Variants in NRP2 observed in about 807,000 individuals in gnomAD.
NRP2 encodes the protein neuropilin 2, also known as neuropilin-2.
Under a neutral mutation model 110.4 loss-of-function variants are expected in NRP2, and 52 were observed. That is an observed-to-expected ratio of 0.47 (90% CI 0.38 to 0.59). NRP2 has a LOEUF of 0.59. Among genes scored for constraint, NRP2 ranks in the 20% least tolerant of loss-of-function variants. The pLI is 0.00. For synonymous variants in NRP2, 508 were observed against 468.9 expected (o/e 1.08, Z -1.08); for missense variants, 1,049 against 1,203.0 (o/e 0.87, Z 1.89).
intron 2 of NRP2, among the ~76,000 whole-genome samples, chr2:205,703,478 G>A (rs1402006862): frequency 6.6e-6 from 1 of 152,184 alleles, no homozygotes; most frequent in Non-Finnish European, 1.5e-5. Flanking sequence ...CTGGCCCAAG[G>A]TTCTACTCCC....
At chr2:205,730,912 C>A (rs1009600548) in intron 7 of NRP2, among the ~76,000 whole-genome samples, 23 of 152,332 alleles carry the variant, frequency 1.5e-4, no homozygotes, top group African/African-American at 5.3e-4. Flanking sequence ...CTTTTCCAGC[C>A]TCCCCTAGCC....
chr2:205,780,932 A>G (rs2058167059), intron 15 of NRP2, among the ~76,000 whole-genome samples: 1 of 152,234 alleles, frequency 6.6e-6, no homozygotes, highest in South Asian at 2.1e-4. Flanking sequence ...TTGTTTCCCC[A>G]GTGACAAGCT....
At chr2:205,706,021 C>T (rs912075864) in intron 2 of NRP2, among the ~76,000 whole-genome samples, 1 of 151,922 alleles carries the variant, frequency 6.6e-6, no homozygotes, top group Admixed American at 6.6e-5. Context: ...CCTCTCAGTC[C>T]ATCGTCTCTC....
At chr2:205,750,071 C>G (rs774212848) in intron 11 of NRP2, among the ~76,000 whole-genome samples, 18 of 152,194 alleles carry the variant, frequency 1.2e-4, no homozygotes, top group Non-Finnish European at 2.4e-4. Flanking sequence ...TGTGAACCCA[C>G]TAGACATCAG....
Position 205,725,780 on chromosome 2 carries a change from G to A in NRP2, c.821-133G>A. 1.1e-6 allele frequency: 1 copy of A among 870,004 alleles called. No individual in the cohort carries two copies. The highest frequency in any genetic ancestry group is 1.9e-6 in the Non-Finnish European group (1 of 525,140). 53.9% of individuals were successfully genotyped at this position (870,004 alleles called of 1,614,324 possible). Reference sequence around the variant, plus strand: ...CTTGATGTAGTTGTTTTTAAAATGTGAGCATATAATTAGGGTCTTTTAAAT... The same window carrying A: ...CTTGATGTAGTTGTTTTTAAAATGTAAGCATATAATTAGGGTCTTTTAAAT... On this transcript the variant is annotated intron_variant, in intron 5 of 16. Coordinates refer to ENST00000357785, the MANE Select transcript of NRP2 (RefSeq NM_003872.3). This position sits in a 1 kb window ranked among gnomAD's most constrained non-coding sequence, Gnocchi z 4.1.
At chr2:205,753,847 A>G (rs1010554843) in intron 12 of NRP2, among the ~76,000 whole-genome samples, 2 of 152,224 alleles carry the variant, frequency 1.3e-5, no homozygotes, top group African/African-American at 4.8e-5. Flanking sequence ...AGAGAGCATT[A>G]TATAGTTTTT....
At chr2:205,750,656 G>A (rs553973498) in intron 11 of NRP2, among the ~76,000 whole-genome samples, 1 of 152,284 alleles carries the variant, frequency 6.6e-6, no homozygotes, top group East Asian at 1.9e-4. Flanking sequence ...TGGAACACCT[G>A]GCATTTTGGC....
At chr2:205,709,593 A>T (rs573670783) in intron 2 of NRP2, among the ~76,000 whole-genome samples, 1 of 152,362 alleles carries the variant, frequency 6.6e-6, no homozygotes, top group African/African-American at 2.4e-5. Context: ...CACAAAGCCC[A>T]CATGCTACAC....
intron 12 of NRP2, among the ~76,000 whole-genome samples, chr2:205,755,939 A>G (rs2057728113): frequency 6.6e-6 from 1 of 152,172 alleles, no homozygotes; most frequent in Non-Finnish European, 1.5e-5. Context: ...AGTACCCAAC[A>G]CGGGCCCTAT....
At chr2:205,746,954 A>G (rs1435417762) in intron 10 of NRP2, among the ~76,000 whole-genome samples, 1 of 152,162 alleles carries the variant, frequency 6.6e-6, no homozygotes, top group Non-Finnish European at 1.5e-5. Context: ...ACACATCTTC[A>G]TAGGAAGACA....
At chr2:205,685,516 C>T (rs1195087638) in intron 1 of NRP2, among the ~76,000 whole-genome samples, 2 of 152,208 alleles carry the variant, frequency 1.3e-5, no homozygotes, top group African/African-American at 4.8e-5. Context: ...CAAGATGGGG[C>T]AGAAGGTGCG....
intron 2 of NRP2, 40 bp downstream of exon 2, chr2:205,697,761 G>A: frequency 1.3e-6 from 2 of 1,589,222 alleles, no homozygotes; most frequent in South Asian, 2.2e-5. Flanking sequence ...CCATCCATGA[G>A]ATGCACACGC....
At chr2:205,714,243 G>C (rs2056851144) in intron 2 of NRP2, among the ~76,000 whole-genome samples, 1 of 152,182 alleles carries the variant, frequency 6.6e-6, no homozygotes, top group Non-Finnish European at 1.5e-5. Context: ...GGCTCAGAAA[G>C]GTTCAGTAAC....
rs1430875404 is a variant in NRP2 at position 205,725,879 on chromosome 2, G to A, written c.821-34G>A. Reference sequence around the variant, plus strand: ...GGGATCCCGAGGTATGAGGTTGGAAGGCCTAACTGCATTTGACCGTCTGCT... The same window carrying A: ...GGGATCCCGAGGTATGAGGTTGGAAAGCCTAACTGCATTTGACCGTCTGCT... On this transcript the variant is annotated intron_variant, in intron 5 of 16. Transcript: ENST00000357785. This position sits in a 1 kb window ranked among gnomAD's most constrained non-coding sequence, Gnocchi z 4.1. The A allele has an allele frequency of 6.2e-7, 1 of 1,612,586 alleles. No homozygotes were observed. The highest frequency in any genetic ancestry group is 8.5e-7 in the Non-Finnish European group (1 of 1,179,494).
At chr2:205,759,019 G>A (rs2057779636) in intron 12 of NRP2, among the ~76,000 whole-genome samples, 1 of 152,118 alleles carries the variant, frequency 6.6e-6, no homozygotes. Flanking sequence ...CCATAAATCG[G>A]GAGATTCCAG....
At chr2:205,792,375 G>C in intron 16 of NRP2, 90 bp downstream of exon 16, 1 of 903,374 alleles carries the variant, frequency 1.1e-6, no homozygotes, top group East Asian at 2.4e-5. Flanking sequence ...GTATCGGAGG[G>C]CCCAAATCTA....
At chr2:205,738,807 A>G (rs1423191303) in intron 7 of NRP2, among the ~76,000 whole-genome samples, 1 of 152,038 alleles carries the variant, frequency 6.6e-6, no homozygotes, top group East Asian at 1.9e-4. Flanking sequence ...CGCAGGGGGC[A>G]CCCCCAGATT....
chr2:205,733,230 G>T (rs1256254960), intron 7 of NRP2, among the ~76,000 whole-genome samples: 2 of 152,166 alleles, frequency 1.3e-5, no homozygotes, highest in African/African-American at 4.8e-5. Flanking sequence ...TCAGGCTCCC[G>T]CGGCCAGCGT....
rs754078889 is a variant in NRP2, at chr2:205,725,991, C to G, written c.899C>G (p.Ser300Cys). The G allele has an allele frequency of 6.2e-7, 1 of 1,614,140 alleles. No individual in the cohort carries two copies. The highest frequency in any genetic ancestry group is 1.1e-5 in the South Asian group (1 of 91,082). The change falls in exon 6 of 17, where the codon TCT becomes TGT. Residue 300 changes from serine (S) to cysteine (C), a missense_variant. Coordinates refer to ENST00000357785, the MANE Select transcript of NRP2 (RefSeq NM_003872.3). This position sits in a 1 kb window ranked among gnomAD's most constrained non-coding sequence, Gnocchi z 4.1. ...CAGATCAGTGCCTCATCTACCTACT[C>G]TGATGGGAGGTGGACCCCTCAACAA... Reference protein sequence around the residue: ...NEQISASSTYSDGRWTPQQSR... With the variant: ...NEQISASSTYCDGRWTPQQSR...
Sources: gnomAD v4.1 joint callset for allele counts (sites outside exome capture counted in the v4.1 genomes callset) on GRCh38, gnomAD v4.1.1 for gene constraint, Gnocchi (gnomAD v3.1) non-coding constraint, MANE v1.5 for transcripts, NCBI Gene and HGNC (gene_info 2026-07-23, HGNC 2026-07-21) for gene names.